Variants in CACNA2D3 observed in about 807,000 individuals in gnomAD.
CACNA2D3 encodes calcium voltage-gated channel auxiliary subunit alpha2delta 3.
In CACNA2D3, 60 loss-of-function variants were observed where a neutral mutation model predicts 160.6. That is an observed-to-expected ratio of 0.37 (90% CI 0.30 to 0.46). The LOEUF (loss-of-function observed/expected upper bound fraction) is 0.46, where lower values mean the gene tolerates loss of function less well. CACNA2D3 is among the 20% of genes least tolerant of loss of function. The pLI is 1.00. For synonymous variants in CACNA2D3, 558 were observed against 492.9 expected (o/e 1.13, Z -1.75); for missense variants, 1,205 against 1,365.0 (o/e 0.88, Z 1.85).
intron 2 of CACNA2D3, among the ~76,000 whole-genome samples, chr3:54,126,636 TTGTC>T (rs935721132): frequency 2.6e-5 from 4 of 152,112 alleles, no homozygotes; most frequent in African/African-American, 9.7e-5. Context: ...TTTAGGAAAT[TTGTC>T]TGTTTTCAGT....
At chr3:54,439,705 C>T (rs1323304246) in intron 4 of CACNA2D3, among the ~76,000 whole-genome samples, 1 of 152,112 alleles carries the variant, frequency 6.6e-6, no homozygotes, top group Non-Finnish European at 1.5e-5. Context: ...TAAAGCATGG[C>T]TTGGGGGAGG....
At chr3:54,918,499 T>A (rs1208256614) in intron 27 of CACNA2D3, 1 of 1,614,036 alleles carries the variant, frequency 6.2e-7, no homozygotes, top group South Asian at 1.1e-5. Context: ...TTCTTCCACC[T>A]TCCCAGGATC....
chr3:55,001,575 T>A (rs1440201591), intron 31 of CACNA2D3, among the ~76,000 whole-genome samples: 1 of 152,166 alleles, frequency 6.6e-6, no homozygotes, highest in African/African-American at 2.4e-5. Context: ...TTGTTGTAAG[T>A]GGATGAGTTA....
intron 17 of CACNA2D3, among the ~76,000 whole-genome samples, chr3:54,867,829 T>C (rs1459757859): frequency 6.6e-6 from 1 of 152,204 alleles, no homozygotes; most frequent in Non-Finnish European, 1.5e-5. Context: ...TTGAATCTCA[T>C]TTGAATTTGC....
intron 27 of CACNA2D3, among the ~76,000 whole-genome samples, chr3:54,952,859 G>T (rs1228575457): frequency 6.6e-6 from 1 of 152,188 alleles, no homozygotes; most frequent in East Asian, 1.9e-4. Flanking sequence ...AAATTCAGCA[G>T]AGTTGGGAAT....
rs757838355 is a variant in CACNA2D3, at chr3:54,687,121, C to CTTTTTTTTTTTTTTTTTTTTT, written c.1167+44893_1167+44894insTTTTTTTTTTTTTTTTTTTTT. ...AAATCGGATTTTTCTTTTTCTTTTT[C>CTTTTTTTTTTTTTTTTTTTTT]TTTTTTTTTTTTTGTTTTTTTTTTT... On this transcript the variant is annotated intron_variant, in intron 11 of 37. Transcript: ENST00000474759. Among the ~76,000 whole-genome samples, 56 of 94,928 alleles carry CTTTTTTTTTTTTTTTTTTTTT rather than the reference C, an allele frequency of 5.9e-4. 5 individuals are homozygous for CTTTTTTTTTTTTTTTTTTTTT. Among genetic ancestry groups the CTTTTTTTTTTTTTTTTTTTTT allele is most frequent in the East Asian group, 1.1e-3 (3 of 2,856 alleles). 62.3% of individuals were successfully genotyped at this position (94,928 alleles called of 152,430 possible).
At chr3:54,255,963 T>C (rs181709247) in intron 2 of CACNA2D3, among the ~76,000 whole-genome samples, 1 of 151,980 alleles carries the variant, frequency 6.6e-6, no homozygotes, top group East Asian at 1.9e-4. Flanking sequence ...GTGTCAGAGT[T>C]GGGGTGGGCA....
chr3:54,712,449 C>G (rs1227512312), intron 11 of CACNA2D3, among the ~76,000 whole-genome samples: 2 of 152,032 alleles, frequency 1.3e-5, no homozygotes, highest in African/African-American at 4.8e-5. Flanking sequence ...TGGGGTCAGG[C>G]CTTTCCTGTG....
At chr3:54,255,994 A>G (rs1702286620) in intron 2 of CACNA2D3, among the ~76,000 whole-genome samples, 1 of 152,236 alleles carries the variant, frequency 6.6e-6, no homozygotes, top group Admixed American at 6.5e-5. Flanking sequence ...TAATGAAAAA[A>G]AAAATGCAAA....
At chr3:54,604,406 C>T (rs1703120552) in intron 9 of CACNA2D3, among the ~76,000 whole-genome samples, 1 of 152,218 alleles carries the variant, frequency 6.6e-6, no homozygotes, top group African/African-American at 2.4e-5. Context: ...CCTGCCTACT[C>T]AGGGGTCCTT....
intron 13 of CACNA2D3, among the ~76,000 whole-genome samples, chr3:54,769,520 G>A (rs1702281038): frequency 6.6e-6 from 1 of 152,112 alleles, no homozygotes; most frequent in African/African-American, 2.4e-5. Flanking sequence ...TATTTGCTCT[G>A]TGACTTTAAG....
intron 5 of CACNA2D3, among the ~76,000 whole-genome samples, chr3:54,532,765 G>T (rs1297321113): frequency 6.6e-6 from 1 of 152,116 alleles, no homozygotes; most frequent in Admixed American, 6.5e-5. Context: ...TAAACATTTG[G>T]ATGCATGGAT....
chr3:54,667,310 A>C (rs1434724829), intron 11 of CACNA2D3, among the ~76,000 whole-genome samples: 1 of 152,156 alleles, frequency 6.6e-6, no homozygotes, highest in East Asian at 1.9e-4. Context: ...ATTGGTTTTC[A>C]AGACTAACTT....
intron 2 of CACNA2D3, among the ~76,000 whole-genome samples, chr3:54,194,040 G>A (rs1168700142): frequency 6.6e-6 from 1 of 152,146 alleles, no homozygotes; most frequent in Non-Finnish European, 1.5e-5. Flanking sequence ...CGTGGAGATA[G>A]AGAGTAGAAT....
At chr3:55,055,079 A>G (rs1704329198) in intron 35 of CACNA2D3, among the ~76,000 whole-genome samples, 1 of 152,086 alleles carries the variant, frequency 6.6e-6, no homozygotes, top group Non-Finnish European at 1.5e-5. Context: ...TCTTTTTTAT[A>G]TAAGAAACAT....
chr3:54,173,299 A>G (rs1700610492), intron 2 of CACNA2D3, among the ~76,000 whole-genome samples: 1 of 152,232 alleles, frequency 6.6e-6, no homozygotes, highest in South Asian at 2.1e-4. Flanking sequence ...GGGAAAAATT[A>G]TATCATTCTC....
At chr3:54,979,846 A>T (rs1044121097) in intron 29 of CACNA2D3, among the ~76,000 whole-genome samples, 1 of 152,224 alleles carries the variant, frequency 6.6e-6, no homozygotes, top group Non-Finnish European at 1.5e-5. Flanking sequence ...GATTAAAACA[A>T]GACAACAGTT....
chr3:54,755,194 C>G (rs1409435693), intron 12 of CACNA2D3, among the ~76,000 whole-genome samples: 1 of 152,106 alleles, frequency 6.6e-6, no homozygotes, highest in East Asian at 1.9e-4. Flanking sequence ...ATTTCACGTC[C>G]TTCTCCTCAC....
intron 2 of CACNA2D3, among the ~76,000 whole-genome samples, chr3:54,209,291 G>T (rs999797952): frequency 2.0e-4 from 30 of 152,170 alleles, no homozygotes; most frequent in Admixed American, 1.8e-3. Flanking sequence ...GAGGTCATTT[G>T]TGTCCTTAGA....
Sources: gnomAD v4.1 joint callset for allele counts (sites outside exome capture counted in the v4.1 genomes callset) on GRCh38, gnomAD v4.1.1 for gene constraint, MANE v1.5 for transcripts, NCBI Gene and HGNC (gene_info 2026-07-23, HGNC 2026-07-21) for gene names.